Variants in JPH3 observed in about 807,000 individuals in gnomAD.
The protein encoded by JPH3 is junctophilin-3.
In JPH3, 11 loss-of-function variants were observed where a neutral mutation model predicts 59.6. The observed-to-expected ratio is 0.18, with a 90% CI of 0.12 to 0.31. The LOEUF (loss-of-function observed/expected upper bound fraction) is 0.31, where lower values mean the gene tolerates loss of function less well. JPH3 is among the 10% of genes least tolerant of loss of function. The pLI, the probability that JPH3 is intolerant of heterozygous loss-of-function variation, is 1.00. For synonymous variants in JPH3, 673 were observed against 483.6 expected (o/e 1.39, Z -5.14); for missense variants, 1,202 against 1,105.7 (o/e 1.09, Z -1.24).
intron 1 of JPH3, among the ~76,000 whole-genome samples, chr16:87,628,421 AGGGGCCGGGT>A (rs1317319124): frequency 6.6e-6 from 1 of 152,076 alleles, no homozygotes; most frequent in African/African-American, 2.4e-5. Flanking sequence ...TGAGTGAGGG[AGGGGCCGGGT>A]GGGGCCGGAT....
chr16:87,640,612 C>G (rs986220732), intron 1 of JPH3, among the ~76,000 whole-genome samples: 2 of 152,076 alleles, frequency 1.3e-5, no homozygotes, highest in African/African-American at 4.8e-5. Context: ...AGCGTGGTCT[C>G]TAACTCCTGA....
At chr16:87,646,188 C>T (rs2032144677) in intron 2 of JPH3, among the ~76,000 whole-genome samples, 1 of 152,232 alleles carries the variant, frequency 6.6e-6, no homozygotes, top group Admixed American at 6.5e-5. Context: ...GCGGCTCAGC[C>T]CTTCCCGACC....
chr16:87,624,392 G>A (rs571786884), intron 1 of JPH3, among the ~76,000 whole-genome samples: 7 of 152,174 alleles, frequency 4.6e-5, no homozygotes, highest in Non-Finnish European at 7.3e-5. Context: ...CTGACGTTTC[G>A]CATGCGTGGA....
chr16:87,639,689 C>G (rs560538514), intron 1 of JPH3, among the ~76,000 whole-genome samples: 4 of 151,906 alleles, frequency 2.6e-5, no homozygotes, highest in Non-Finnish European at 4.4e-5. Flanking sequence ...CCTGGCCCCT[C>G]GCACCCTCCG....
At chr16:87,671,589 C>T (rs1190236270) in intron 2 of JPH3, among the ~76,000 whole-genome samples, 1 of 140,302 alleles carries the variant, frequency 7.1e-6, no homozygotes, top group Non-Finnish European at 1.6e-5. Flanking sequence ...GCCCTGGGGT[C>T]CAGGCCGCCT....
At chr16:87,632,212 G>A (rs888644261) in intron 1 of JPH3, among the ~76,000 whole-genome samples, 7 of 152,170 alleles carry the variant, frequency 4.6e-5, no homozygotes, top group African/African-American at 1.4e-4. Context: ...GGGGTAGCAA[G>A]CAGGGTTTTT....
chr16:87,646,332 C>G lies in JPH3; in HGVS notation c.1160+1297C>G, dbSNP rs555952147. On this transcript the variant is annotated intron_variant, in intron 2 of 4. Coordinates refer to ENST00000284262, the MANE Select transcript of JPH3 (RefSeq NM_020655.4). ...CGACTTCTATTGTTTTAGAGGGAAT[C>G]AAGATCGATTCCAAGAAGCTGAAAG... 1.1e-4 allele frequency among the ~76,000 whole-genome samples: 16 copies of G among 152,344 alleles called. No homozygotes were observed. The South Asian group carries it at 2.9e-3, about 28-fold the overall frequency.
At chr16:87,662,610 G>A (rs1462887488) in intron 2 of JPH3, among the ~76,000 whole-genome samples, 1 of 152,202 alleles carries the variant, frequency 6.6e-6, no homozygotes, top group African/African-American at 2.4e-5. Flanking sequence ...CTGGCCCCCT[G>A]GTGGCCCCTC....
At chr16:87,694,711 T>C (rs2033737167) in intron 4 of JPH3, 2 of 160,044 alleles carry the variant, frequency 1.2e-5, no homozygotes, top group Non-Finnish European at 2.7e-5. Context: ...AGTGTACAAG[T>C]CAGGGATTTT....
intron 1 of JPH3, among the ~76,000 whole-genome samples, chr16:87,623,311 G>A (rs1403142030): frequency 1.3e-5 from 2 of 152,226 alleles, no homozygotes; most frequent in Non-Finnish European, 2.9e-5. Context: ...GGACACTGAT[G>A]TCCTTGGCTC....
chr16:87,650,581 T>A (rs1170336628), intron 2 of JPH3, among the ~76,000 whole-genome samples: 2 of 152,174 alleles, frequency 1.3e-5, no homozygotes, highest in African/African-American at 4.8e-5. Flanking sequence ...GCAGCCTAGT[T>A]TTGAATGTAA....
intron 1 of JPH3, among the ~76,000 whole-genome samples, chr16:87,642,255 G>C (rs1165012845): frequency 6.7e-6 from 1 of 148,416 alleles, no homozygotes; most frequent in Non-Finnish European, 1.5e-5. Flanking sequence ...AAGGGGGGGG[G>C]CAGTGGGGAG....
chr16:87,689,797 C>G lies in JPH3; in HGVS notation c.1437C>G (p.Ser479Arg). The change falls in exon 4 of 5, where the codon AGC (serine) becomes AGG (arginine). Residue 479 changes from serine (S) to arginine (R), a missense_variant. Transcript: ENST00000284262. ...DLTPDDSPLQ[S>R]FPTSPAATPP... The stretch of plus-strand genomic sequence containing the variant: ...CCCCCGACGACAGCCCCCTGCAGAG[C>G]TTCCCCACCAGCCCCGCGGCCACCC... The G allele has an allele frequency of 1.3e-6, 2 of 1,599,874 alleles. No individual in the cohort carries two copies. The highest frequency in any genetic ancestry group is 1.7e-6 in the Non-Finnish European group (2 of 1,172,884).
rs147082364 is a variant in JPH3, at chr16:87,643,514, T to A, written c.383-744T>A. Among the ~76,000 whole-genome samples, 31 of 152,330 alleles carry A rather than the reference T, an allele frequency of 2.0e-4. No homozygotes were observed. The East Asian group carries it at 6.0e-3, about 29-fold the overall frequency. On this transcript the variant is annotated intron_variant, in intron 1 of 4. Transcript: ENST00000284262. ...TGGTCTTCCTGGATACCTCCAGCAA[T>A]GGGGAGCTCACTGTCTCCCAGAGCA...
chr16:87,660,450 CA>C (rs1329511615), intron 2 of JPH3, among the ~76,000 whole-genome samples: 1 of 152,144 alleles, frequency 6.6e-6, no homozygotes, highest in Non-Finnish European at 1.5e-5. Context: ...CCCAAGTGGC[CA>C]AGCTAATTCG....
intron 1 of JPH3, among the ~76,000 whole-genome samples, chr16:87,617,430 C>T (rs569904608): frequency 2.7e-3 from 404 of 152,186 alleles, no homozygotes; most frequent in Non-Finnish European, 4.0e-3. Context: ...CAGATGTCTT[C>T]GCTTTCCCCC....
At chr16:87,614,929 CCGCG>C (rs2030896353) in intron 1 of JPH3, among the ~76,000 whole-genome samples, 4 of 63,762 alleles carry the variant, frequency 6.3e-5, no homozygotes, top group African/African-American at 3.0e-4. Context: ...ACACGAGGAG[CCGCG>C]CGTCCCCTCC....
chr16:87,644,338 G>A lies in JPH3; in HGVS notation c.463G>A (p.Val155Ile), dbSNP rs747066190. Residue 155 changes from valine (V) to isoleucine (I), a missense_variant, in exon 2 of 5, where the codon GTC (valine) becomes ATC (isoleucine). Coordinates refer to ENST00000284262, the MANE Select transcript of JPH3 (RefSeq NM_020655.4). The part of the protein sequence containing the change: ...RQSVPYGMAA[V>I]IRSPLRTSIN... ...GAGCGTCCCGTATGGCATGGCCGCGGTCATCCGCTCACCCCTGAGGACGTC... is the reference window on the plus strand; with the variant it reads ...GAGCGTCCCGTATGGCATGGCCGCGATCATCCGCTCACCCCTGAGGACGTC... 1.2e-6 allele frequency: 2 copies of A among 1,612,892 alleles called. No individual in the cohort carries two copies. The highest frequency in any genetic ancestry group is 2.7e-5 in the African/African-American group (2 of 74,948).
intron 2 of JPH3, among the ~76,000 whole-genome samples, chr16:87,646,667 T>C (rs571816994): frequency 6.6e-6 from 1 of 152,304 alleles, no homozygotes; most frequent in East Asian, 1.9e-4. Flanking sequence ...CCTTTCTATT[T>C]TGTATAGTTG....
Sources: allele counts gnomAD v4.1 joint callset (sites outside exome capture counted in the v4.1 genomes callset), GRCh38; gene constraint gnomAD v4.1.1; transcripts MANE v1.5; gene names NCBI Gene and HGNC (gene_info 2026-07-23, HGNC 2026-07-21).